Variants in PCP2 observed in about 807,000 individuals in gnomAD.
PCP2 encodes Purkinje cell protein 2.
PCP2 carries 21 observed loss-of-function variants against 18.3 expected under a neutral mutation model. The ratio of observed to expected loss-of-function variants is 1.14; its 90% CI spans 0.81 to 1.65. The LOEUF is 1.65. Ranked by LOEUF, PCP2 falls within the 40% of genes most tolerant of loss-of-function variation. PCP2 has a pLI of 0.00. For synonymous variants in PCP2, 85 were observed against 77.6 expected, an observed-to-expected ratio of 1.10 and a Z score of -0.50; for missense variants, 202 against 201.8, an observed-to-expected ratio of 1.00 and a Z score of 0.00.
chr19:7,631,737 G>T lies in PCP2; in HGVS notation c.363C>A (p.Leu121=). 1 of 1,447,938 alleles carries T rather than the reference G, an allele frequency of 6.9e-7. No homozygotes were observed. The highest frequency in any genetic ancestry group is 9.1e-7 in the Non-Finnish European group (1 of 1,098,228). The allele number at this position is 1,447,938 out of a possible 1,614,324, so 89.7% of individuals were successfully genotyped here. A position where few individuals can be genotyped will look rare whatever the true frequency, so the allele number is the denominator to read the frequency against. ...PLLTPQDPTA[L]GFRRNSSPQP... ...GGGGGCTGCTGTTCCGACGGAAGCC[G>T]AGAGCGGTCGGGTCCTGAGGGGTGA... Residue 121 remains leucine, a synonymous_variant, in exon 4 of 4, where the codon CTC becomes CTA. Transcript: ENST00000311069.
chr19:7,632,253 C>G lies in PCP2; in HGVS notation c.291+140G>C. 7.5e-7 allele frequency: 1 copy of G among 1,333,826 alleles called. No individual in the cohort carries two copies. The highest frequency in any genetic ancestry group is 1.0e-6 in the Non-Finnish European group (1 of 973,396). The allele number at this position is 1,333,826 out of a possible 1,614,324, so 82.6% of individuals were successfully genotyped here. A position where few individuals can be genotyped will look rare whatever the true frequency, so the allele number is the denominator to read the frequency against. ...GGGCCCCTCTAGCCACTGCCTGGGC[C>G]TTGGTCCTCCCATCTGAAGTCAGGG... is the stretch of plus-strand genomic sequence containing the variant. On this transcript the variant is annotated intron_variant, in intron 3 of 3. Transcript: ENST00000311069. The surrounding 1 kb of genome is among the most constrained non-coding windows in gnomAD (Gnocchi z 5.2).
At chr19:7,636,950 G>C (rs2031558094), upstream of PCP2, 4 of 451,206 alleles carry the variant, frequency 8.9e-6, no homozygotes, top group African/African-American at 4.0e-5. Flanking sequence ...CTTCGTGCTC[G>C]GCAGCGCGGA....
intron 1 of PCP2, chr19:7,633,056 T>G: frequency 7.2e-7 from 1 of 1,383,788 alleles, no homozygotes. Context: ...CAGTGCCACT[T>G]CACGTGGTAC....
chr19:7,634,579 A>G (rs2031458950), upstream of PCP2, among the ~76,000 whole-genome samples: 4 of 152,248 alleles, frequency 2.6e-5, no homozygotes, highest in South Asian at 8.3e-4. Flanking sequence ...TATTTTGCCC[A>G]GGCTAGTCTC....
Position 7,632,333 on chromosome 19 carries a change from G to A in PCP2, c.291+60C>T. The A allele has an allele frequency of 6.2e-7, 1 of 1,600,800 alleles. No individual in the cohort carries two copies. The highest frequency in any genetic ancestry group is 8.5e-7 in the Non-Finnish European group (1 of 1,173,944). On this transcript the variant is annotated intron_variant, in intron 3 of 3. Coordinates refer to ENST00000311069, the MANE Select transcript of PCP2 (RefSeq NM_174895.3). This position sits in a 1 kb window ranked among gnomAD's most constrained non-coding sequence, Gnocchi z 5.2. ...TGTTCCCTCCTGGCTGGGGTGGAGG[G>A]CAGGATCGGAGAGCACTGCCTGGCG...
intron 3 of PCP2, 26 bp from the exon 4 acceptor site, chr19:7,631,834 G>A: frequency 3.6e-6 from 5 of 1,384,308 alleles, no homozygotes; most frequent in Non-Finnish European, 3.8e-6. Flanking sequence ...GGTCAGCCAG[G>A]GGGAGGGCTC....
chr19:7,633,461 C>G lies in PCP2; in HGVS notation c.-4G>C, dbSNP rs770791600. 2.5e-6 allele frequency: 4 copies of G among 1,574,934 alleles called. No homozygotes were observed. Among genetic ancestry groups the G allele is most frequent in the Non-Finnish European group, 3.5e-6 (4 of 1,158,770 alleles). ...TCTTCTCCTCCTGATCCATCATGTC[C>G]CTGGACTCCAGTCACTTTTCTGCTG... On this transcript the variant is annotated 5_prime_UTR_variant, in exon 1 of 4. Coordinates refer to ENST00000311069, the MANE Select transcript of PCP2 (RefSeq NM_174895.3).
Position 7,631,669 on chromosome 19 carries a change from AC to A in PCP2, c.*19del, listed in dbSNP as rs778395951. 1 of 1,462,428 alleles carries A rather than the reference AC, an allele frequency of 6.8e-7. No homozygotes were observed. The highest frequency in any genetic ancestry group is 1.4e-5 in the African/African-American group (1 of 69,468). 90.6% of individuals were successfully genotyped at this position (1,462,428 alleles called of 1,614,324 possible). ...TATCAGTTTTTGGGGGCCGAGTGAG[AC>A]CCAGGATGCCTCAGGCCCTCAGGGG... is the stretch of plus-strand genomic sequence containing the variant. On this transcript the variant is annotated 3_prime_UTR_variant, in exon 4 of 4. Transcript: ENST00000311069.
rs551337173 is a variant in PCP2, at chr19:7,632,957, G to C, written c.52-127C>G. 5 of 1,472,624 alleles carry C rather than the reference G, an allele frequency of 3.4e-6. No individual in the cohort carries two copies. Among genetic ancestry groups the C allele is most frequent in the African/African-American group, 1.4e-5 (1 of 71,264 alleles). 91.2% of individuals were successfully genotyped at this position (1,472,624 alleles called of 1,614,324 possible). Reference sequence around the variant, plus strand: ...CCCCACTTCCTCAGCTCTCACCATGGTCCCCGCCGATCCTCTCTGCAGAGC... The same window carrying C: ...CCCCACTTCCTCAGCTCTCACCATGCTCCCCGCCGATCCTCTCTGCAGAGC... On this transcript the variant is annotated intron_variant, in intron 1 of 3. Transcript: ENST00000311069. This position sits in a 1 kb window ranked among gnomAD's most constrained non-coding sequence, Gnocchi z 5.2.
upstream of PCP2, among the ~76,000 whole-genome samples, chr19:7,635,085 ATTAGTACTTCATATCTTTTGGGGG>A: frequency 4.6e-5 from 7 of 152,300 alleles, 1 homozygote; most frequent in Admixed American, 4.6e-4. Flanking sequence ...GGTATTGGGG[ATTAGTACTTCATATCTTTTGGGGG>A]TTAGTGGTGG....
chr19:7,634,998 C>A (rs114809518), upstream of PCP2, among the ~76,000 whole-genome samples: 1,434 of 152,364 alleles, frequency 9.4e-3, 24 homozygotes, highest in African/African-American at 0.031. Flanking sequence ...CATTAGGGGC[C>A]TACTCTACTC....
chr19:7,632,025 T>C lies in PCP2; in HGVS notation c.292-217A>G, dbSNP rs964338484. ...TGGGATCTTGATCAGAACCCAAGCT[T>C]CGTGTATGTGTGAAGTCAACAGATG... On this transcript the variant is annotated intron_variant, in intron 3 of 3. Coordinates refer to ENST00000311069, the MANE Select transcript of PCP2 (RefSeq NM_174895.3). This position sits in a 1 kb window ranked among gnomAD's most constrained non-coding sequence, Gnocchi z 5.2. 1.2e-5 allele frequency: 6 copies of C among 488,208 alleles called. No homozygotes were observed. Among genetic ancestry groups the C allele is most frequent in the African/African-American group, 2.0e-5 (1 of 50,512 alleles). The allele number at this position is 488,208 out of a possible 1,614,324, so 30.2% of individuals were successfully genotyped here.
chr19:7,632,865 C>A lies in PCP2; in HGVS notation c.52-35G>T. On this transcript the variant is annotated intron_variant, in intron 1 of 3. Transcript: ENST00000311069. This position sits in a 1 kb window ranked among gnomAD's most constrained non-coding sequence, Gnocchi z 5.2. ...GACTCGCTCAGTCTGGTTGGCCCTT[C>A]AGCTTGGGGGCCCCTCCCCAAACTT... The A allele has an allele frequency of 6.5e-7, 1 of 1,537,774 alleles. No homozygotes were observed. The highest frequency in any genetic ancestry group is 1.4e-5 in the African/African-American group (1 of 73,064).
intron 3 of PCP2, 124 bp from the exon 4 acceptor site, chr19:7,631,932 G>T: frequency 9.8e-7 from 1 of 1,020,094 alleles, no homozygotes; most frequent in Non-Finnish European, 1.3e-6. Flanking sequence ...ACTGGTCTAT[G>T]TTTACCCTCA....
Position 7,632,305 on chromosome 19 carries a change from C to T in PCP2, c.291+88G>A. The T allele has an allele frequency of 6.4e-7, 1 of 1,567,100 alleles. No homozygotes were observed. Among genetic ancestry groups the T allele is most frequent in the Non-Finnish European group, 8.7e-7 (1 of 1,155,198 alleles). ...AGCGGATGGACAGAGATGGGGCAGG[C>T]CCTGTTCCCTCCTGGCTGGGGTGGA... On this transcript the variant is annotated intron_variant, in intron 3 of 3. Coordinates refer to ENST00000311069, the MANE Select transcript of PCP2 (RefSeq NM_174895.3). The surrounding 1 kb of genome is among the most constrained non-coding windows in gnomAD (Gnocchi z 5.2).
rs1402648861 is a variant in PCP2, at chr19:7,632,755, A to G, written c.127T>C (p.Cys43Arg). ...TGGCCCGGCCCGGCTTGCAGTGAAC[A>G]GCGCTGTCCCTCCATCCGGTCGCCC... ...VQGDRMEGQRCSLQAGPGQTT... is the reference protein window; with the variant it reads ...VQGDRMEGQRRSLQAGPGQTT... The change falls in exon 2 of 4, where the codon TGT (cysteine) becomes CGT (arginine). Residue 43 changes from cysteine to arginine, a missense_variant. Cys to Arg is a radical substitution (Grantham distance 180). Coordinates refer to ENST00000311069, the MANE Select transcript of PCP2 (RefSeq NM_174895.3). This position sits in a 1 kb window ranked among gnomAD's most constrained non-coding sequence, Gnocchi z 5.2. 2.6e-6 allele frequency: 4 copies of G among 1,567,656 alleles called. No individual in the cohort carries two copies. Among genetic ancestry groups the G allele is most frequent in the Non-Finnish European group, 3.4e-6 (4 of 1,160,982 alleles).
upstream of PCP2, among the ~76,000 whole-genome samples, chr19:7,634,374 C>T (rs1214727507): frequency 6.6e-6 from 1 of 152,190 alleles, no homozygotes; most frequent in East Asian, 1.9e-4. Context: ...GCACTATCAC[C>T]ACCTCTGCCC....
intron 1 of PCP2, chr19:7,633,108 G>T: frequency 9.3e-7 from 1 of 1,070,728 alleles, no homozygotes; most frequent in Non-Finnish European, 1.3e-6. Context: ...CGCCGTCCTA[G>T]ATTGGGGCCT....
rs1056382403 is a variant in PCP2, at chr19:7,631,730, G to A, written c.370C>T (p.Arg124Cys). The change falls in exon 4 of 4, where the codon CGT (arginine) becomes TGT (cysteine). Residue 124 changes from arginine (R) to cysteine (C), a missense_variant. By Grantham distance (180) the Arg-to-Cys change is radical. Transcript: ENST00000311069. ...GGGGGCTGGGGGCTGCTGTTCCGAC[G>A]GAAGCCGAGAGCGGTCGGGTCCTGA... is the stretch of plus-strand genomic sequence containing the variant. ...TPQDPTALGF[R>C]RNSSPQPPTQ... 3.2e-5 allele frequency: 47 copies of A among 1,447,770 alleles called. No homozygotes were observed. Among genetic ancestry groups the A allele is most frequent in the African/African-American group, 5.8e-5 (4 of 68,720 alleles). 89.7% of individuals were successfully genotyped at this position (1,447,770 alleles called of 1,614,324 possible).
Sources: allele counts gnomAD v4.1 joint callset (sites outside exome capture counted in the v4.1 genomes callset), GRCh38; gene constraint gnomAD v4.1.1; non-coding constraint Gnocchi (gnomAD v3.1); transcripts MANE v1.5; gene names NCBI Gene and HGNC (gene_info 2026-07-23, HGNC 2026-07-21).